The following OR14A16 variants were observed in gnomAD, a reference collection of about 807,000 sequenced individuals.
OR14A16 encodes olfactory receptor family 14 subfamily A member 16, also known as olfactory receptor 14A16.
For missense variants in OR14A16, 341 were observed against 366.5 expected (o/e 0.93, Z 0.57); for synonymous variants, 135 against 137.6 (o/e 0.98, Z 0.13).
At chr1:247,821,837 C>T (rs1662745892) in intron 1 of OR14A16, among the ~76,000 whole-genome samples, 1 of 132,314 alleles carries the variant, frequency 7.6e-6, no homozygotes. Flanking sequence ...TCACCTTTTG[C>T]TGTCTTCCTT....
Position 247,815,595 on chromosome 1 carries a change from C to G in OR14A16, c.135G>C (p.Met45Ile), listed in dbSNP as rs140410550. 1 of 1,613,806 alleles carries G rather than the reference C, an allele frequency of 6.2e-7. No homozygotes were observed. The highest frequency in any genetic ancestry group is 1.7e-5 in the Admixed American group (1 of 60,016). The change falls in exon 3 of 3, where the codon ATG (methionine) becomes ATC (isoleucine). Residue 45 changes from methionine to isoleucine, a missense_variant. By Grantham distance (10) the Met-to-Ile change is conservative. Coordinates refer to ENST00000641093, the MANE Select transcript of OR14A16 (RefSeq NM_001001966.2). ...GGAGATGATGGTCCAAAGTTGTGAT[C>G]ATGATAATGAGGACATTCCCCATCA... ...CALMGNVLII[M>I]ITTLDHHLHT... is the part of the protein sequence containing the mutation.
At chr1:247,817,930 TTAAAA>T (rs943904297) in intron 2 of OR14A16, among the ~76,000 whole-genome samples, 2 of 152,136 alleles carry the variant, frequency 1.3e-5, no homozygotes, top group African/African-American at 4.8e-5. Context: ...TGTGGAATAC[TTAAAA>T]TTAAAAAGAT....
Position 247,815,625 on chromosome 1 carries a change from A to G in OR14A16, c.105T>C (p.Cys35=). The change falls in exon 3 of 3, where the codon TGT becomes TGC. Residue 35 remains cysteine, a synonymous_variant. Transcript: ENST00000641093. ...HSILFLLIYL[C]ALMGNVLIIM... ...TAATGAGGACATTCCCCATCAGGGC[A>G]CACAAATAAATCAACAAGAAGAGAA... is the stretch of plus-strand genomic sequence containing the variant. 6.2e-7 allele frequency: 1 copy of G among 1,611,966 alleles called. No homozygotes were observed. The highest frequency in any genetic ancestry group is 8.5e-7 in the Non-Finnish European group (1 of 1,178,022).
In OR14A16 at chr1:247,815,430, A is replaced by G; in HGVS notation, c.300T>C (p.Phe100=). ...ISFLGCVSQV[F]LLLSSASAEL... ...CTGCAGATGCTGAAGAAAGCAACAAAAAGACCTGGGAAACACAGCCAAGGA... is the reference window on the plus strand; with the variant it reads ...CTGCAGATGCTGAAGAAAGCAACAAGAAGACCTGGGAAACACAGCCAAGGA... Residue 100 remains phenylalanine, a synonymous_variant, in exon 3 of 3, where the codon TTT becomes TTC. Transcript: ENST00000641093. 1 of 1,614,004 alleles carries G rather than the reference A, an allele frequency of 6.2e-7. No individual in the cohort carries two copies. Among genetic ancestry groups the G allele is most frequent in the Non-Finnish European group, 8.5e-7 (1 of 1,180,018 alleles).
At chr1:247,818,989 A>G (rs1202456407) in intron 2 of OR14A16, 74 bp downstream of exon 2, 2 of 152,150 alleles carry the variant, frequency 1.3e-5, no homozygotes, top group Non-Finnish European at 2.9e-5. Flanking sequence ...ATCTCTATGT[A>G]CCCACAAAAG....
chr1:247,816,431 A>G (rs1042599023), intron 2 of OR14A16, among the ~76,000 whole-genome samples: 2 of 152,220 alleles, frequency 1.3e-5, no homozygotes, highest in East Asian at 3.8e-4. Flanking sequence ...AACAGATCCT[A>G]TAATATATGA....
At chr1:247,817,369 T>A (rs1327073938) in intron 2 of OR14A16, among the ~76,000 whole-genome samples, 1 of 152,166 alleles carries the variant, frequency 6.6e-6, no homozygotes, top group African/African-American at 2.4e-5. Flanking sequence ...ATGTTAGGAT[T>A]TATTCCAGAA....
At chr1:247,821,196 A>G (rs992401163) in intron 1 of OR14A16, among the ~76,000 whole-genome samples, 19 of 152,216 alleles carry the variant, frequency 1.2e-4, no homozygotes, top group Non-Finnish European at 2.8e-4. Flanking sequence ...TCTATGCTGA[A>G]TAATGTTTTA....
Position 247,822,667 on chromosome 1 carries a change from C to G in OR14A16, c.-131+1286G>C, listed in dbSNP as rs970897777. Among the ~76,000 whole-genome samples the G allele has an allele frequency of 6.6e-5, 10 of 152,292 alleles. No individual in the cohort carries two copies. In the South Asian group the frequency reaches 1.5e-3, roughly 22 times the overall value. On this transcript the variant is annotated intron_variant, in intron 1 of 2. Transcript: ENST00000641093. ...CCTGAATAAATCCCCTCTCATATAT[C>G]CTATTGGTTATGCTTATCTGAAAAC...
rs1662578300 is a variant in OR14A16, at chr1:247,814,939, G to A, written c.791C>T (p.Pro264Leu). The change falls in exon 3 of 3, where the codon CCT (proline) becomes CTT (leucine). Residue 264 changes from proline to leucine, a missense_variant. Physicochemically the swap from Pro to Leu is moderately conservative, Grantham distance 98 (BLOSUM62 -3). Coordinates refer to ENST00000641093, the MANE Select transcript of OR14A16 (RefSeq NM_001001966.2). Reference sequence around the variant, plus strand: ...AGAAATTACAGCATCCAAAATAGAAGGAGACTCTGAAGCTGGCTTCAGATA... The same window carrying A: ...AGAAATTACAGCATCCAAAATAGAAAGAGACTCTGAAGCTGGCTTCAGATA... ...IAYLKPASES[P>L]SILDAVISVF... 1 of 1,613,860 alleles carries A rather than the reference G, an allele frequency of 6.2e-7. No homozygotes were observed. Among genetic ancestry groups the A allele is most frequent in the South Asian group, 1.1e-5 (1 of 91,072 alleles).
At chr1:247,817,823 AT>A (rs1241228812) in intron 2 of OR14A16, among the ~76,000 whole-genome samples, 3 of 152,200 alleles carry the variant, frequency 2.0e-5, no homozygotes, top group Non-Finnish European at 4.4e-5. Context: ...AAATCCAAAA[AT>A]ATATCACTAA....
chr1:247,822,318 GGGGGA>G (rs1662754845), intron 1 of OR14A16, among the ~76,000 whole-genome samples: 3 of 116,932 alleles, frequency 2.6e-5, no homozygotes, highest in Admixed American at 8.9e-5. Context: ...GTGTGGCGGG[GGGGGA>G]GGGTGGGGAT....
At chr1:247,822,519 A>G (rs1007626829) in intron 1 of OR14A16, among the ~76,000 whole-genome samples, 1 of 151,834 alleles carries the variant, frequency 6.6e-6, no homozygotes, top group African/African-American at 2.4e-5. Context: ...TTAGGGCTGC[A>G]CCATCAGTTT....
intron 2 of OR14A16, among the ~76,000 whole-genome samples, 160 bp downstream of exon 2, chr1:247,818,903 C>T (rs1403122113): frequency 6.6e-6 from 1 of 151,798 alleles, no homozygotes; most frequent in African/African-American, 2.4e-5. Flanking sequence ...GTGATGAATG[C>T]CCCAATTACC....
chr1:247,819,911 C>T (rs1243501509), intron 1 of OR14A16, among the ~76,000 whole-genome samples: 1 of 151,984 alleles, frequency 6.6e-6, no homozygotes, highest in Non-Finnish European at 1.5e-5. Context: ...TGATTCTGTA[C>T]CTAATTTGTT....
rs1332206697 is a variant in OR14A16 at position 247,819,074 on chromosome 1, A to G, written c.-27T>C. 8 of 151,774 alleles carry G rather than the reference A, an allele frequency of 5.3e-5. No homozygotes were observed. The highest frequency in any genetic ancestry group is 1.9e-4 in the African/African-American group (8 of 41,154). The allele number at this position is 151,774 out of a possible 1,614,324, so 9.4% of individuals were successfully genotyped here. On this transcript the variant is annotated 5_prime_UTR_variant, in exon 2 of 3. Coordinates refer to ENST00000641093, the MANE Select transcript of OR14A16 (RefSeq NM_001001966.2). The stretch of plus-strand genomic sequence containing the variant: ...AAAAAATGACTTACTCTATACCTCC[A>G]ATCTGGCGCACGAAGATTCCAGATG...
chr1:247,818,991 C>A (rs747083741), intron 2 of OR14A16, 72 bp downstream of exon 2: 4 of 150,996 alleles, frequency 2.6e-5, no homozygotes, highest in Non-Finnish European at 2.9e-5. Context: ...CTCTATGTAC[C>A]CACAAAAGTT....
At chr1:247,822,826 A>AGC (rs1662765529) in intron 1 of OR14A16, among the ~76,000 whole-genome samples, 1 of 152,196 alleles carries the variant, frequency 6.6e-6, no homozygotes, top group Admixed American at 6.5e-5. Context: ...GCAAAGACTG[A>AGC]ACTTATCAAT....
At chr1:247,818,589 A>G (rs1342314465) in intron 2 of OR14A16, among the ~76,000 whole-genome samples, 1 of 152,224 alleles carries the variant, frequency 6.6e-6, no homozygotes, top group Non-Finnish European at 1.5e-5. Flanking sequence ...TATGTTAAGT[A>G]AAATAAGCCA....
Sources: allele counts gnomAD v4.1 joint callset (sites outside exome capture counted in the v4.1 genomes callset), GRCh38; gene constraint gnomAD v4.1.1; transcripts MANE v1.5; gene names NCBI Gene and HGNC (gene_info 2026-07-23, HGNC 2026-07-21).